CACNA1A: variants seen among roughly 807,000 people sequenced by gnomAD.
The protein encoded by CACNA1A is calcium voltage-gated channel subunit alpha1 A.
Under a neutral mutation model 262.4 loss-of-function variants are expected in CACNA1A, and 57 were observed. The ratio of observed to expected loss-of-function variants is 0.22; its 90% CI spans 0.18 to 0.27. The LOEUF (loss-of-function observed/expected upper bound fraction) is 0.27. CACNA1A is among the 10% of genes least tolerant of loss of function. The probability of loss-of-function intolerance (pLI) is 1.00; values close to 1 mark genes in which losing one functional copy is unlikely to be tolerated. For synonymous variants in CACNA1A, 1,431 were observed against 1,419.3 expected (o/e 1.01, Z -0.18); for missense variants, 2,526 against 3,562.8 (o/e 0.71, Z 7.41).
chr19:13,317,735 A>G (rs1279357518), intron 10 of CACNA1A, among the ~76,000 whole-genome samples: 9 of 152,186 alleles, frequency 5.9e-5, no homozygotes. Context: ...TGTGGATGAG[A>G]CTGTTTTCCA....
chr19:13,389,287 T>A (rs2059672463), intron 3 of CACNA1A, among the ~76,000 whole-genome samples: 1 of 152,142 alleles, frequency 6.6e-6, no homozygotes, highest in African/African-American at 2.4e-5. Flanking sequence ...GCTCCATGGG[T>A]GCCGCTGTCA....
chr19:13,489,112 A>C (rs1286917504), intron 1 of CACNA1A, among the ~76,000 whole-genome samples: 2 of 145,352 alleles, frequency 1.4e-5, no homozygotes, highest in African/African-American at 5.3e-5. Context: ...CCTGGGTTCA[A>C]GCAATTCTCC....
intron 5 of CACNA1A, among the ~76,000 whole-genome samples, chr19:13,361,285 T>G (rs572197610): frequency 1.3e-4 from 20 of 152,134 alleles, no homozygotes; most frequent in Admixed American, 6.6e-4. Context: ...ACACCCCTTT[T>G]GCTGGAAACC....
At chr19:13,231,175 C>T (rs2055653924) in intron 35 of CACNA1A, among the ~76,000 whole-genome samples, 1 of 130,206 alleles carries the variant, frequency 7.7e-6, no homozygotes, top group African/African-American at 2.9e-5. Flanking sequence ...GCAGCTAATT[C>T]AATTTTTTTT....
chr19:13,302,716 G>A (rs1211692381), intron 17 of CACNA1A, among the ~76,000 whole-genome samples: 1 of 152,246 alleles, frequency 6.6e-6, no homozygotes, highest in Non-Finnish European at 1.5e-5. Flanking sequence ...ATGCCAGCCA[G>A]CTCCACAGTG....
intron 6 of CACNA1A, among the ~76,000 whole-genome samples, chr19:13,339,163 A>G (rs891809562): frequency 6.6e-6 from 1 of 152,096 alleles, no homozygotes; most frequent in African/African-American, 2.4e-5. Context: ...TGAGCCCGGC[A>G]GAAGTTTTTT....
intron 19 of CACNA1A, among the ~76,000 whole-genome samples, chr19:13,288,676 A>C (rs1439619066): frequency 6.6e-6 from 1 of 152,150 alleles, no homozygotes; most frequent in Non-Finnish European, 1.5e-5. Flanking sequence ...GCCTCTTGCC[A>C]TCTACAGGTG....
chr19:13,429,303 C>T (rs906612427), intron 3 of CACNA1A, among the ~76,000 whole-genome samples: 1 of 151,866 alleles, frequency 6.6e-6, no homozygotes, highest in Non-Finnish European at 1.5e-5. Context: ...TTTCTCTGGG[C>T]TCCCAGCCAC....
At chr19:13,281,179 G>A (rs191231999) in intron 22 of CACNA1A, among the ~76,000 whole-genome samples, 1 of 151,588 alleles carries the variant, frequency 6.6e-6, no homozygotes, top group Non-Finnish European at 1.5e-5. Context: ...TCAAGAGTTC[G>A]AGACCAGCCT....
At position 13,214,328 on chromosome 19, in the gene CACNA1A, C is replaced by T; in HGVS notation, c.5845G>A (p.Asp1949Asn). 1 of 1,612,728 alleles carries T rather than the reference C, an allele frequency of 6.2e-7. No individual in the cohort carries two copies. Among genetic ancestry groups the T allele is most frequent in the Non-Finnish European group, 8.5e-7 (1 of 1,179,814 alleles). Residue 1949 changes from aspartate to asparagine, a missense_variant, in exon 40 of 47, where the codon GAC becomes AAC. Physicochemically the swap from Asp to Asn is conservative, Grantham distance 23. This residue lies in a region of CACNA1A where 112 missense variants were observed against 197.2 expected (regional missense o/e 0.57). Transcript: ENST00000360228. The surrounding 1 kb of genome is among the most constrained non-coding windows in gnomAD (Gnocchi z 4.1). ...GCGTAGATCTTCCCCACGGTGAGGT[C>T]CGTGGCTGGGGGCACACACACGGTG... ...DLLVTPHKST[D>N]LTVGKIYAAM...
Position 13,266,971 on chromosome 19 carries a change from C to T in CACNA1A, c.3990-4138G>A, listed in dbSNP as rs1459589969. Among the ~76,000 whole-genome samples, 5 of 152,276 alleles carry T rather than the reference C, an allele frequency of 3.3e-5. No homozygotes were observed. In the East Asian group the frequency reaches 5.8e-4, roughly 18 times the overall value. On this transcript the variant is annotated intron_variant, in intron 24 of 46. Transcript: ENST00000360228. The stretch of plus-strand genomic sequence containing the variant: ...TCTGCAAGAACTGGTGGGGCATGGG[C>T]GGAGGCATTGGCAAGACCCTTTGGG...
intron 1 of CACNA1A, among the ~76,000 whole-genome samples, chr19:13,456,508 TA>T (rs371034040): frequency 6.6e-6 from 1 of 151,598 alleles, no homozygotes; most frequent in South Asian, 2.1e-4. Flanking sequence ...CTATCTCTAC[TA>T]AAAAAATACA....
At chr19:13,342,967 C>A (rs2058700931) in intron 6 of CACNA1A, among the ~76,000 whole-genome samples, 1 of 152,140 alleles carries the variant, frequency 6.6e-6, no homozygotes, top group South Asian at 2.1e-4. Context: ...GTTGCCCAGG[C>A]TGGTCTCGAA....
At chr19:13,455,019 G>A (rs1430708315) in intron 2 of CACNA1A, 88 bp downstream of exon 2, 2 of 721,478 alleles carry the variant, frequency 2.8e-6, no homozygotes, top group Non-Finnish European at 4.9e-6. Flanking sequence ...CCAGGACTGA[G>A]AGCCTCCTCT....
At chr19:13,357,126 C>T (rs540810261) in intron 6 of CACNA1A, among the ~76,000 whole-genome samples, 4 of 152,190 alleles carry the variant, frequency 2.6e-5, no homozygotes, top group Non-Finnish European at 5.9e-5. Flanking sequence ...TAAAACGGGC[C>T]TTTGTTGATC....
chr19:13,497,573 T>TAA (rs1568710119), intron 1 of CACNA1A, among the ~76,000 whole-genome samples: 15 of 35,626 alleles, frequency 4.2e-4, no homozygotes, highest in African/African-American at 7.3e-4. Flanking sequence ...TATATATATA[T>TAA]ATATATAAAT....
At chr19:13,493,132 G>A (rs1010217380) in intron 1 of CACNA1A, among the ~76,000 whole-genome samples, 4 of 152,102 alleles carry the variant, frequency 2.6e-5, no homozygotes, top group African/African-American at 9.7e-5. Context: ...TTACATCAAC[G>A]AATCTGTCGG....
chr19:13,375,129 T>C (rs2059383528), intron 3 of CACNA1A, among the ~76,000 whole-genome samples: 1 of 152,240 alleles, frequency 6.6e-6, no homozygotes, highest in Non-Finnish European at 1.5e-5. Context: ...TGTCACACTC[T>C]GGTAATTCTT....
In CACNA1A at chr19:13,224,324, CA is replaced by C. The variant is rs71168690; in HGVS notation, c.5731+342del. Among the ~76,000 whole-genome samples, 1,713 of 143,030 alleles carry C rather than the reference CA, an allele frequency of 0.012. 11 individuals are homozygous for C. The highest frequency in any genetic ancestry group is 0.016 in the Non-Finnish European group (1,055 of 65,788). The allele number at this position is 143,030 out of a possible 152,430, so 93.8% of individuals were successfully genotyped here. ...GGGTGACAGAGGGAAATTGTCACACCAAAAAAAAAAAAATTAGCCGAGTATG... is the reference window on the plus strand; with the variant it reads ...GGGTGACAGAGGGAAATTGTCACACCAAAAAAAAAAAATTAGCCGAGTATG... On this transcript the variant is annotated intron_variant, in intron 38 of 46. Transcript: ENST00000360228.
Sources: allele counts gnomAD v4.1 joint callset (sites outside exome capture counted in the v4.1 genomes callset), GRCh38; gene constraint gnomAD v4.1.1; regional missense constraint gnomAD v4.1.1; non-coding constraint Gnocchi (gnomAD v3.1); transcripts MANE v1.5; gene names NCBI Gene and HGNC (gene_info 2026-07-23, HGNC 2026-07-21).